ABCB4: variants seen among roughly 807,000 people sequenced by gnomAD.
ABCB4 encodes the protein ATP binding cassette subfamily B member 4, also known as phosphatidylcholine translocator ABCB4.
A neutral mutation model predicts 145.7 loss-of-function variants in ABCB4; 76 were observed. That is an observed-to-expected ratio of 0.52 (90% CI 0.43 to 0.63). The LOEUF (loss-of-function observed/expected upper bound fraction) is 0.63, where lower values mean the gene tolerates loss of function less well. Among genes scored for constraint, ABCB4 ranks in the 30% least tolerant of loss-of-function variants. The pLI, the probability that ABCB4 is intolerant of heterozygous loss-of-function variation, is 0.00. For missense variants in ABCB4, 1,234 were observed against 1,553.1 expected (o/e 0.79, Z 3.45); for synonymous variants, 517 against 566.8 (o/e 0.91, Z 1.25).
rs1811418261 is a variant in ABCB4, at chr7:87,447,312, A to G, written c.834-107T>C. 7.2e-6 allele frequency: 8 copies of G among 1,111,658 alleles called. No individual in the cohort carries two copies. The South Asian group carries it at 9.8e-5, about 14-fold the overall frequency. The allele number at this position is 1,111,658 out of a possible 1,614,324, so 68.9% of individuals were successfully genotyped here. A position where few individuals can be genotyped will look rare whatever the true frequency, so the allele number is the denominator to read the frequency against. On this transcript the variant is annotated intron_variant, in intron 8 of 27. Transcript: ENST00000649586. Reference sequence around the variant, plus strand: ...GGAGGTTTAAGTAACAAAGTCAGTCAAGGTAATGAACCCATGGTGAGACCC... The same window carrying G: ...GGAGGTTTAAGTAACAAAGTCAGTCGAGGTAATGAACCCATGGTGAGACCC...
chr7:87,407,632 T>A (rs1242293969), intron 25 of ABCB4, among the ~76,000 whole-genome samples: 1 of 152,174 alleles, frequency 6.6e-6, no homozygotes, highest in African/African-American at 2.4e-5. Context: ...AGCCGAGAAT[T>A]CAAGGTAAGA....
chr7:87,373,393 C>A, the ABCB4 span, among the ~76,000 whole-genome samples: 14 of 151,996 alleles, frequency 9.2e-5, no homozygotes, highest in South Asian at 2.9e-3. Flanking sequence ...TTCTTGATGG[C>A]CTCTTTTGAT....
the ABCB4 span, among the ~76,000 whole-genome samples, chr7:87,391,030 G>C: frequency 3.3e-5 from 5 of 152,202 alleles, no homozygotes; most frequent in Admixed American, 1.3e-4. Context: ...CTGCTCTCCT[G>C]AGGGTAGGTC....
chr7:87,442,867 A>T (rs1811078969), intron 12 of ABCB4, among the ~76,000 whole-genome samples: 1 of 152,138 alleles, frequency 6.6e-6, no homozygotes. Flanking sequence ...TTCTTAAGAG[A>T]CCATCCCACT....
intron 3 of ABCB4, among the ~76,000 whole-genome samples, 162 bp from the exon 4 acceptor site, chr7:87,463,070 A>G (rs557442670): frequency 1.3e-5 from 2 of 152,198 alleles, no homozygotes; most frequent in African/African-American, 2.4e-5. Flanking sequence ...ACTTAATTTC[A>G]TGATTCTGTT....
chr7:87,445,443 A>G (rs939280855), intron 9 of ABCB4, among the ~76,000 whole-genome samples: 2 of 152,240 alleles, frequency 1.3e-5, no homozygotes, highest in East Asian at 3.8e-4. Context: ...ATCATAAAAC[A>G]TAAAATCACT....
At chr7:87,373,748 A>G in the ABCB4 span, among the ~76,000 whole-genome samples, 1 of 152,066 alleles carries the variant, frequency 6.6e-6, no homozygotes, top group Non-Finnish European at 1.5e-5. Flanking sequence ...AGACGAGATT[A>G]CCAAGGGAGA....
At chr7:87,435,927 A>G (rs567118742) in intron 14 of ABCB4, among the ~76,000 whole-genome samples, 1 of 152,226 alleles carries the variant, frequency 6.6e-6, no homozygotes, top group Non-Finnish European at 1.5e-5. Context: ...AGAAATTGCT[A>G]TTAGAGGATA....
chr7:87,391,574 A>C, the ABCB4 span: 6 of 1,583,514 alleles, frequency 3.8e-6, no homozygotes, highest in African/African-American at 8.3e-5. Flanking sequence ...ACACTCTTTT[A>C]ATTTTTTCTT....
intron 15 of ABCB4, among the ~76,000 whole-genome samples, chr7:87,429,191 CA>C (rs1810036644): frequency 6.6e-6 from 1 of 152,036 alleles, no homozygotes; most frequent in Non-Finnish European, 1.5e-5. Context: ...AGTGGGAGGG[CA>C]AAACTCAAAT....
downstream of ABCB4, among the ~76,000 whole-genome samples, chr7:87,400,931 G>C (rs1254906205): frequency 1.3e-5 from 2 of 152,198 alleles, no homozygotes; most frequent in African/African-American, 4.8e-5. Context: ...CTTGCCTGAT[G>C]TGAATAATCA....
the ABCB4 span, among the ~76,000 whole-genome samples, chr7:87,376,220 C>T: frequency 6.6e-6 from 1 of 152,050 alleles, no homozygotes; most frequent in Non-Finnish European, 1.5e-5. Context: ...TGTTGCTCAA[C>T]CTTTTCATTG....
At chr7:87,447,285 T>C in intron 8 of ABCB4, 80 bp from the exon 9 acceptor site, 3 of 1,415,038 alleles carry the variant, frequency 2.1e-6, no homozygotes, top group Non-Finnish European at 2.9e-6. Flanking sequence ...TCCTATATAG[T>C]TGGAGGTTTA....
At chr7:87,388,716 G>A in the ABCB4 span, among the ~76,000 whole-genome samples, 2 of 152,154 alleles carry the variant, frequency 1.3e-5, no homozygotes, top group South Asian at 4.1e-4. Context: ...ATAGGCATGG[G>A]CAAAGACTTC....
chr7:87,451,574 T>A (rs1811732679), intron 7 of ABCB4, 49 bp downstream of exon 7: 2 of 1,607,320 alleles, frequency 1.2e-6, no homozygotes, highest in Non-Finnish European at 1.7e-6. Context: ...TATTAAAGAT[T>A]ACTGTGTGCA....
chr7:87,377,627 C>G, the ABCB4 span, among the ~76,000 whole-genome samples: 3 of 152,090 alleles, frequency 2.0e-5, no homozygotes, highest in African/African-American at 7.2e-5. Flanking sequence ...TTATTTTCTT[C>G]TGTAGTAAGG....
Position 87,443,772 on chromosome 7 carries a change from T to G in ABCB4, c.1121A>C (p.Asn374Thr). Residue 374 changes from asparagine (N) to threonine (T), a missense_variant and splice_region_variant, in exon 11 of 28, where the codon AAT (asparagine) becomes ACT (threonine). By Grantham distance (65) the Asn-to-Thr change is moderately conservative (BLOSUM62 0). Coordinates refer to ENST00000649586, the MANE Select transcript of ABCB4 (RefSeq NM_000443.4). ...CTCTGAAAAACTGTCAATTTTAGGA[T>G]TCTAAATAAAACAAAATGTAATGAC... The part of the protein sequence containing the change: ...AYVIFDIIDN[N>T]PKIDSFSERG... The G allele has an allele frequency of 1.9e-6, 3 of 1,609,858 alleles. No individual in the cohort carries two copies. Among genetic ancestry groups the G allele is most frequent in the Non-Finnish European group, 1.7e-6 (2 of 1,176,322 alleles).
intron 14 of ABCB4, among the ~76,000 whole-genome samples, chr7:87,433,479 A>G (rs1810379731): frequency 6.6e-6 from 1 of 152,174 alleles, no homozygotes; most frequent in African/African-American, 2.4e-5. Flanking sequence ...AACAATGACT[A>G]TATTATCATG....
downstream of ABCB4, chr7:87,398,802 T>C: frequency 2.9e-6 from 2 of 685,088 alleles, no homozygotes; most frequent in Non-Finnish European, 4.8e-6. Context: ...AATCATGCTC[T>C]CTAAATTTAT....
Sources: gnomAD v4.1 joint callset for allele counts (sites outside exome capture counted in the v4.1 genomes callset) on GRCh38, gnomAD v4.1.1 for gene constraint, MANE v1.5 for transcripts, NCBI Gene and HGNC (gene_info 2026-07-23, HGNC 2026-07-21) for gene names.